NHERF1: variants seen among roughly 807,000 people sequenced by gnomAD.
NHERF1 encodes the protein NHERF family PDZ scaffold protein 1, also known as Na(+)/H(+) exchange regulatory cofactor NHE-RF1.
the NHERF1 span, among the ~76,000 whole-genome samples, chr17:74,752,282 CT>C: frequency 1.3e-3 from 192 of 144,664 alleles, no homozygotes; most frequent in Admixed American, 1.9e-3. Context: ...TAAATTTTTT[CT>C]TTTTTTTTTT....
chr17:74,752,184 C>T, the NHERF1 span, among the ~76,000 whole-genome samples: 15 of 152,156 alleles, frequency 9.9e-5, no homozygotes, highest in Admixed American at 7.8e-4. Flanking sequence ...CCTGTAATCC[C>T]AGCACTTTGG....
the NHERF1 span, among the ~76,000 whole-genome samples, chr17:74,754,321 T>C: frequency 4.6e-5 from 7 of 151,986 alleles, no homozygotes; most frequent in South Asian, 1.5e-3. Context: ...GAAACAGGTT[T>C]GTACAGTGCC....
chr17:74,768,252 G>C, the NHERF1 span: 21 of 1,590,038 alleles, frequency 1.3e-5, no homozygotes, highest in Admixed American at 5.0e-5. Context: ...CCAGCCATGC[G>C]GGGGGTGGCA....
chr17:74,756,273 C>CTTTTTTTTT, the NHERF1 span, among the ~76,000 whole-genome samples: 61 of 72,016 alleles, frequency 8.5e-4, 1 homozygote, highest in Non-Finnish European at 1.1e-3. Flanking sequence ...TTCTTTCTTT[C>CTTTTTTTTT]TTTTTTTTTT....
At chr17:74,766,482 T>C in the NHERF1 span, among the ~76,000 whole-genome samples, 1 of 152,062 alleles carries the variant, frequency 6.6e-6, no homozygotes, top group East Asian at 1.9e-4. Flanking sequence ...GGATTACTGG[T>C]GTGAGCCACT....
At chr17:74,753,169 C>T in the NHERF1 span, among the ~76,000 whole-genome samples, 1 of 152,200 alleles carries the variant, frequency 6.6e-6, no homozygotes, top group African/African-American at 2.4e-5. Context: ...TCATTTTTCC[C>T]TGCAACCCTC....
the NHERF1 span, chr17:74,763,189 G>C: frequency 3.4e-6 from 2 of 584,602 alleles, no homozygotes; most frequent in Non-Finnish European, 6.0e-6. Flanking sequence ...ACTGTCAATG[G>C]GAGGACCCCC....
the NHERF1 span, among the ~76,000 whole-genome samples, chr17:74,755,204 G>A: frequency 6.6e-6 from 1 of 152,324 alleles, no homozygotes; most frequent in Admixed American, 6.5e-5. Flanking sequence ...CAGGCTGCTT[G>A]AACTGGCTTC....
At chr17:74,748,995 A>G in the NHERF1 span, 5 of 1,609,258 alleles carry the variant, frequency 3.1e-6, no homozygotes, top group Non-Finnish European at 4.2e-6. This position sits in a 1 kb window ranked among gnomAD's most constrained non-coding sequence, Gnocchi z 4.3. Context: ...CCGGCCGAGA[A>G]GGCGGGGCTG....
At chr17:74,767,464 C>G in the NHERF1 span, among the ~76,000 whole-genome samples, 1 of 152,200 alleles carries the variant, frequency 6.6e-6, no homozygotes, top group Non-Finnish European at 1.5e-5. Context: ...GGGTGCCAAG[C>G]TGACGCCCCA....
chr17:74,768,322 T>C, the NHERF1 span: 1 of 1,384,120 alleles, frequency 7.2e-7, no homozygotes, highest in Non-Finnish European at 1.0e-6. Context: ...CAGCCTGCCT[T>C]TGAGGTCACA....
chr17:74,766,939 C>CCCT, the NHERF1 span: 1 of 1,614,086 alleles, frequency 6.2e-7, no homozygotes, highest in Non-Finnish European at 8.5e-7. Context: ...TGCCTAGGTC[C>CCCT]CCTGCCTGTG....
chr17:74,762,171 G>A, the NHERF1 span: 5 of 1,613,870 alleles, frequency 3.1e-6, no homozygotes, highest in East Asian at 8.9e-5. This position sits in a 1 kb window ranked among gnomAD's most constrained non-coding sequence, Gnocchi z 4.2. Context: ...TCGCATTGTG[G>A]AGGTGATGCT....
At chr17:74,759,019 C>T in the NHERF1 span, among the ~76,000 whole-genome samples, 9 of 152,132 alleles carry the variant, frequency 5.9e-5, no homozygotes, top group African/African-American at 2.2e-4. Context: ...GAGGCTCCTG[C>T]TAGGGAGGGG....
the NHERF1 span, among the ~76,000 whole-genome samples, chr17:74,754,898 A>C: frequency 2.0e-5 from 3 of 152,214 alleles, no homozygotes; most frequent in Non-Finnish European, 2.9e-5. Flanking sequence ...CTAAGTACTA[A>C]CCTTGCCTGT....
chr17:74,749,408 G>A, the NHERF1 span: 1 of 990,090 alleles, frequency 1.0e-6, no homozygotes, highest in Non-Finnish European at 1.4e-6. This position sits in a 1 kb window ranked among gnomAD's most constrained non-coding sequence, Gnocchi z 5.6. Context: ...GAGCTGCGAG[G>A]GGGAGACCGC....
chr17:74,756,098 C>T, the NHERF1 span, among the ~76,000 whole-genome samples: 8 of 149,724 alleles, frequency 5.3e-5, no homozygotes, highest in South Asian at 2.1e-4. Context: ...TGCACCACCA[C>T]GCCCAGCTGA....
chr17:74,768,735 C>A, the NHERF1 span: 1 of 1,285,070 alleles, frequency 7.8e-7, no homozygotes, highest in Non-Finnish European at 1.1e-6. Context: ...CAATTACTCC[C>A]CTGAATCAAT....
At chr17:74,756,515 G>A in the NHERF1 span, among the ~76,000 whole-genome samples, 3 of 152,068 alleles carry the variant, frequency 2.0e-5, no homozygotes, top group South Asian at 6.2e-4. Context: ...CCGACCTCAG[G>A]TGATCCACCT....
Sources: gnomAD v4.1 joint callset for allele counts (sites outside exome capture counted in the v4.1 genomes callset) on GRCh38, gnomAD v4.1.1 for gene constraint, Gnocchi (gnomAD v3.1) non-coding constraint, MANE v1.5 for transcripts, NCBI Gene and HGNC (gene_info 2026-07-23, HGNC 2026-07-21) for gene names.